Variants in B3GALT1 observed in about 807,000 individuals in gnomAD.
B3GALT1 encodes the protein UDP-Gal:betaGlcNAc beta 1,3-galactosyltransferase, polypeptide 1.
In B3GALT1, 10 loss-of-function variants were observed where a neutral mutation model predicts 23.2. The observed-to-expected ratio is 0.43, with a 90% CI of 0.27 to 0.73. The LOEUF is 0.73. Among genes scored for constraint, B3GALT1 ranks in the 30% least tolerant of loss-of-function variants. B3GALT1 has a pLI of 0.21. For missense variants in B3GALT1, 299 were observed against 405.4 expected, an observed-to-expected ratio of 0.74 and a Z score of 2.25; for synonymous variants, 156 against 141.5, an observed-to-expected ratio of 1.10 and a Z score of -0.73.
At chr2:167,584,209 CTTAAAG>C (rs1684543173) in intron 2 of B3GALT1, among the ~76,000 whole-genome samples, 1 of 152,024 alleles carries the variant, frequency 6.6e-6, no homozygotes, top group Non-Finnish European at 1.5e-5. Flanking sequence ...TTCAGCAATT[CTTAAAG>C]TTAGGGAGAT....
chr2:167,585,178 G>A (rs2105411002), intron 2 of B3GALT1, among the ~76,000 whole-genome samples: 1 of 152,276 alleles, frequency 6.6e-6, no homozygotes, highest in East Asian at 1.9e-4. Context: ...GGAAACAGGA[G>A]AAAGACCGAA....
At chr2:167,416,644 T>G (rs974425619) in intron 1 of B3GALT1, among the ~76,000 whole-genome samples, 8 of 152,102 alleles carry the variant, frequency 5.3e-5, no homozygotes, top group Non-Finnish European at 1.5e-5. Flanking sequence ...GAGTCACCAG[T>G]AGCAAGCAAC....
Position 167,297,616 on chromosome 2 carries a change from A to C in B3GALT1, c.-511+4282A>C, listed in dbSNP as rs371828184. Among the ~76,000 whole-genome samples, 28 of 152,200 alleles carry C rather than the reference A, an allele frequency of 1.8e-4. 1 individual carries two copies. The highest frequency in any genetic ancestry group is 6.3e-4 in the African/African-American group (26 of 41,556). On this transcript the variant is annotated intron_variant, in intron 1 of 4. Coordinates refer to ENST00000392690, the MANE Select transcript of B3GALT1 (RefSeq NM_020981.4). ...GATCCCAGGTTCTATTCTTTTATGC[A>C]AAAAAAGCTGTACAATTATGATTCC...
At chr2:167,774,497 G>GTTTTTTTTTTTTTTTTTTTTTTTTT (rs397986581) in intron 3 of B3GALT1, among the ~76,000 whole-genome samples, 4 of 82,956 alleles carry the variant, frequency 4.8e-5, no homozygotes, top group Non-Finnish European at 6.7e-5. Context: ...TTTTTTTTTT[G>GTTTTTTTTTTTTTTTTTTTTTTTTT]TTTTTTTTTT....
chr2:167,590,507 G>A (rs376174560), intron 2 of B3GALT1, among the ~76,000 whole-genome samples: 20 of 151,604 alleles, frequency 1.3e-4, no homozygotes, highest in Admixed American at 5.3e-4. Context: ...AATAAAAGAC[G>A]AAGGAAAAAT....
chr2:167,658,461 C>T (rs995635910), intron 3 of B3GALT1, among the ~76,000 whole-genome samples: 5 of 151,980 alleles, frequency 3.3e-5, no homozygotes, highest in Admixed American at 6.6e-5. Context: ...CTTTATAGAA[C>T]AACTTCATCA....
intron 3 of B3GALT1, among the ~76,000 whole-genome samples, chr2:167,697,892 A>G (rs1270107415): frequency 6.6e-6 from 1 of 152,200 alleles, no homozygotes. Context: ...ATTTGAATTG[A>G]TATTTTACCC....
At chr2:167,636,510 A>T (rs991451112) in intron 2 of B3GALT1, among the ~76,000 whole-genome samples, 18 of 152,130 alleles carry the variant, frequency 1.2e-4, no homozygotes, top group Non-Finnish European at 2.6e-4. Flanking sequence ...ATTATAAATC[A>T]TTCTGCTATA....
intron 3 of B3GALT1, among the ~76,000 whole-genome samples, chr2:167,792,251 C>T (rs564788132): frequency 4.6e-4 from 70 of 152,288 alleles, no homozygotes; most frequent in African/African-American, 1.6e-3. Context: ...GCCCTGTAGA[C>T]ATCTCTCCAA....
Position 167,868,910 on chromosome 2 carries a change from A to C in B3GALT1, c.-130A>C, listed in dbSNP as rs1690286366. On this transcript the variant is annotated 5_prime_UTR_variant, in exon 5 of 5. Transcript: ENST00000392690. Reference sequence around the variant, plus strand: ...CAGACAGCCACTGAGGCCCATGGACAATCTCCACCTCACGCTTCTCTATCA... The same window carrying C: ...CAGACAGCCACTGAGGCCCATGGACCATCTCCACCTCACGCTTCTCTATCA... 1 of 1,125,554 alleles carries C rather than the reference A, an allele frequency of 8.9e-7. No individual in the cohort carries two copies. Among genetic ancestry groups the C allele is most frequent in the East Asian group, 2.4e-5 (1 of 42,096 alleles). 69.7% of individuals were successfully genotyped at this position (1,125,554 alleles called of 1,614,324 possible).
At chr2:167,796,497 C>T (rs1688548489) in intron 3 of B3GALT1, among the ~76,000 whole-genome samples, 1 of 152,152 alleles carries the variant, frequency 6.6e-6, no homozygotes. Flanking sequence ...CCTGTAATCC[C>T]AGCACTTTGG....
At position 167,736,792 on chromosome 2, in the gene B3GALT1, G is replaced by A. The variant is rs369807289; in HGVS notation, c.-351-81880G>A. Among the ~76,000 whole-genome samples the A allele has an allele frequency of 1.4e-4, 21 of 152,126 alleles. No individual in the cohort carries two copies. The East Asian group carries it at 3.5e-3, about 25-fold the overall frequency. On this transcript the variant is annotated intron_variant, in intron 3 of 4. Transcript: ENST00000392690. ...GTATATACACATGAAAAAGTAGCCGGGTGTGGTGGTGCATGCCTGTAATTC... is the reference window on the plus strand; with the variant it reads ...GTATATACACATGAAAAAGTAGCCGAGTGTGGTGGTGCATGCCTGTAATTC...
intron 3 of B3GALT1, among the ~76,000 whole-genome samples, chr2:167,808,396 C>G (rs1237682162): frequency 2.6e-5 from 4 of 151,562 alleles, no homozygotes; most frequent in African/African-American, 9.7e-5. Context: ...TCTTCCTAGC[C>G]TCAATGGTCT....
intron 3 of B3GALT1, among the ~76,000 whole-genome samples, chr2:167,700,194 T>C (rs1686857035): frequency 6.6e-6 from 1 of 152,138 alleles, no homozygotes; most frequent in Non-Finnish European, 1.5e-5. Flanking sequence ...CAGTGAGCTA[T>C]GATTGATTCA....
chr2:167,309,587 C>T (rs1393138402), intron 1 of B3GALT1, among the ~76,000 whole-genome samples: 2 of 151,978 alleles, frequency 1.3e-5, no homozygotes, highest in Non-Finnish European at 1.5e-5. Context: ...TAATCTCAGT[C>T]ATCTAATGAT....
rs1004065722 is a variant in B3GALT1 at position 167,422,541 on chromosome 2, T to A, written c.-510-67636T>A. Reference sequence around the variant, plus strand: ...GATTGTAATGCTGTGGCCTGTCCTCTCTGCAGTGCAGGGCTCGCCACTTTA... The same window carrying A: ...GATTGTAATGCTGTGGCCTGTCCTCACTGCAGTGCAGGGCTCGCCACTTTA... On this transcript the variant is annotated intron_variant, in intron 1 of 4. Transcript: ENST00000392690. Among the ~76,000 whole-genome samples, 29 of 152,204 alleles carry A rather than the reference T, an allele frequency of 1.9e-4. 1 individual carries two copies. Among genetic ancestry groups the A allele is most frequent in the Admixed American group, 1.7e-3 (26 of 15,286 alleles).
At chr2:167,582,708 C>T (rs1023173866) in intron 2 of B3GALT1, among the ~76,000 whole-genome samples, 6 of 152,060 alleles carry the variant, frequency 3.9e-5, no homozygotes, top group Non-Finnish European at 7.4e-5. Flanking sequence ...CTTGCTGGTC[C>T]CTGAGTCTGT....
rs561390585 is a variant in B3GALT1, at chr2:167,487,847, T to C, written c.-510-2330T>C. 1.2e-4 allele frequency among the ~76,000 whole-genome samples: 18 copies of C among 152,294 alleles called. 1 individual carries two copies. In the South Asian group the frequency reaches 3.7e-3, roughly 32 times the overall value. On this transcript the variant is annotated intron_variant, in intron 1 of 4. Transcript: ENST00000392690. ...TGCACCTGTCACAAGCTTGGATTTA[T>C]CGTGAGTATGCATAATGCTTGCTTT...
chr2:167,784,363 G>T (rs768052775), intron 3 of B3GALT1, among the ~76,000 whole-genome samples: 3 of 152,152 alleles, frequency 2.0e-5, no homozygotes, highest in Non-Finnish European at 2.9e-5. Flanking sequence ...TTTCATGACA[G>T]TGTAAATGTT....
Sources: gnomAD v4.1 joint callset for allele counts (sites outside exome capture counted in the v4.1 genomes callset) on GRCh38, gnomAD v4.1.1 for gene constraint, MANE v1.5 for transcripts, NCBI Gene and HGNC (gene_info 2026-07-23, HGNC 2026-07-21) for gene names.